Variants in PDGFD observed in about 807,000 individuals in gnomAD.
The protein encoded by PDGFD is platelet-derived growth factor D.
In PDGFD, 30 loss-of-function variants were observed where a neutral mutation model predicts 44.7. The ratio of observed to expected loss-of-function variants is 0.67; its 90% CI spans 0.50 to 0.91. The LOEUF is 0.91. Ranked by LOEUF, PDGFD falls within the 40% of genes least tolerant of loss-of-function variation. The probability of loss-of-function intolerance (pLI) is 0.00; values close to 1 mark genes in which losing one functional copy is unlikely to be tolerated. For synonymous variants in PDGFD, 173 were observed against 168.4 expected (o/e 1.03, Z -0.21); for missense variants, 445 against 457.8 (o/e 0.97, Z 0.25).
At chr11:104,104,427 G>C (rs1444696509) in intron 1 of PDGFD, among the ~76,000 whole-genome samples, 1 of 152,082 alleles carries the variant, frequency 6.6e-6, no homozygotes, top group Non-Finnish European at 1.5e-5. Flanking sequence ...GCAACTTCCA[G>C]TCCTGCAAAC....
chr11:104,042,124 C>T (rs1440457953), intron 1 of PDGFD, among the ~76,000 whole-genome samples: 2 of 152,134 alleles, frequency 1.3e-5, no homozygotes, highest in African/African-American at 2.4e-5. Context: ...AGAAGGAAAA[C>T]AAACAAAACA....
At chr11:104,037,536 T>C in intron 1 of PDGFD, 2 of 1,613,750 alleles carry the variant, frequency 1.2e-6, no homozygotes, top group Non-Finnish European at 1.7e-6. Context: ...CCGAGAGTTT[T>C]GGACAAGTGA....
intron 1 of PDGFD, among the ~76,000 whole-genome samples, chr11:104,117,034 G>A (rs910591783): frequency 6.6e-6 from 1 of 151,746 alleles, no homozygotes; most frequent in African/African-American, 2.4e-5. Context: ...TAATCCATGA[G>A]GATCAAGTAG....
chr11:103,951,593 C>A (rs1858758276), intron 3 of PDGFD, among the ~76,000 whole-genome samples: 4 of 152,174 alleles, frequency 2.6e-5, no homozygotes, highest in Admixed American at 2.6e-4. Context: ...TTTCCCACTA[C>A]CTCCACTCCT....
chr11:104,053,633 A>G (rs894558456), intron 1 of PDGFD, among the ~76,000 whole-genome samples: 2 of 152,214 alleles, frequency 1.3e-5, no homozygotes, highest in Non-Finnish European at 2.9e-5. Context: ...CATTCACATA[A>G]AAATAAATTG....
chr11:103,989,761 T>A (rs1004291658), intron 3 of PDGFD, among the ~76,000 whole-genome samples: 18 of 152,064 alleles, frequency 1.2e-4, no homozygotes, highest in Non-Finnish European at 2.4e-4. Context: ...GAAGTCCCAT[T>A]ATAATATTGT....
At chr11:103,917,786 T>G (rs1338835751) in intron 6 of PDGFD, among the ~76,000 whole-genome samples, 1 of 152,192 alleles carries the variant, frequency 6.6e-6, no homozygotes, top group Non-Finnish European at 1.5e-5. Context: ...GAGGCCTCTC[T>G]AACATGCCTT....
At chr11:103,920,490 T>C (rs534434483) in intron 6 of PDGFD, among the ~76,000 whole-genome samples, 1 of 152,346 alleles carries the variant, frequency 6.6e-6, no homozygotes, top group East Asian at 1.9e-4. Flanking sequence ...CCTTGTCTGC[T>C]TGGGGAGTAC....
intron 3 of PDGFD, among the ~76,000 whole-genome samples, chr11:103,990,775 A>G (rs993027155): frequency 3.3e-5 from 5 of 152,116 alleles, no homozygotes; most frequent in African/African-American, 1.2e-4. Context: ...TGAAGTGCCT[A>G]AAATACCATG....
intron 1 of PDGFD, among the ~76,000 whole-genome samples, chr11:104,034,712 G>A (rs10895565): frequency 6.6e-6 from 1 of 150,924 alleles, no homozygotes; most frequent in African/African-American, 2.4e-5. Context: ...GCGCAATCTC[G>A]GCTTACTGCA....
intron 1 of PDGFD, among the ~76,000 whole-genome samples, chr11:104,095,054 T>C (rs1861264209): frequency 6.6e-6 from 1 of 152,090 alleles, no homozygotes; most frequent in South Asian, 2.1e-4. Flanking sequence ...GGTGCCTGTA[T>C]ATGGACGTAT....
chr11:103,999,954 A>T, intron 2 of PDGFD, 97 bp downstream of exon 2: 1 of 1,097,152 alleles, frequency 9.1e-7, no homozygotes, highest in Non-Finnish European at 1.3e-6. Flanking sequence ...GGGTCCATTT[A>T]AAAGGCTCAA....
chr11:104,099,636 CAATAATAATAATAAT>C (rs72280494), intron 1 of PDGFD, among the ~76,000 whole-genome samples: 44 of 142,744 alleles, frequency 3.1e-4, no homozygotes, highest in South Asian at 2.3e-3. Context: ...GTTTCAAAAA[CAATAATAATAATAAT>C]AATAATAATA....
At chr11:104,076,656 G>A (rs574025856) in intron 1 of PDGFD, among the ~76,000 whole-genome samples, 10 of 152,004 alleles carry the variant, frequency 6.6e-5, no homozygotes, top group South Asian at 4.1e-4. Flanking sequence ...TGACACATTC[G>A]TTCTGAAAGG....
intron 3 of PDGFD, among the ~76,000 whole-genome samples, chr11:103,986,954 G>A (rs12574418): frequency 0.17 from 25,499 of 152,030 alleles, 2,158 homozygotes; most frequent in Middle Eastern, 0.23. Flanking sequence ...CAATAAACTG[G>A]TTCATCTGGC....
chr11:104,161,420 A>G (rs28522518), intron 1 of PDGFD, among the ~76,000 whole-genome samples: 32,363 of 152,104 alleles, frequency 0.21, 3,525 homozygotes, highest in East Asian at 0.26. Flanking sequence ...TAATTTAATA[A>G]GTTATACTTT....
At chr11:104,156,403 A>G (rs1489901197) in intron 1 of PDGFD, among the ~76,000 whole-genome samples, 1 of 152,184 alleles carries the variant, frequency 6.6e-6, no homozygotes, top group Non-Finnish European at 1.5e-5. Flanking sequence ...ATGAATCCTA[A>G]CATATAAGGC....
chr11:104,081,529 A>G (rs977746565), intron 1 of PDGFD, among the ~76,000 whole-genome samples: 1 of 152,194 alleles, frequency 6.6e-6, no homozygotes, highest in East Asian at 1.9e-4. Flanking sequence ...AAATGAGCTA[A>G]GAGCCACATA....
At chr11:104,084,916 CAT>C (rs1176432595) in intron 1 of PDGFD, among the ~76,000 whole-genome samples, 1 of 131,836 alleles carries the variant, frequency 7.6e-6, no homozygotes, top group African/African-American at 3.4e-5. Flanking sequence ...ATATATTTAT[CAT>C]ATATATGAAT....
Sources: allele counts gnomAD v4.1 joint callset (sites outside exome capture counted in the v4.1 genomes callset), GRCh38; gene constraint gnomAD v4.1.1; transcripts MANE v1.5; gene names NCBI Gene and HGNC (gene_info 2026-07-23, HGNC 2026-07-21).